The following ZBTB20 variants were observed in gnomAD, a reference collection of about 807,000 sequenced individuals.
ZBTB20 encodes the protein zinc finger and BTB domain containing 20, also known as zinc finger and BTB domain-containing protein 20.
Under a neutral mutation model 56.9 loss-of-function variants are expected in ZBTB20, and 9 were observed. That is an observed-to-expected ratio of 0.16 (90% CI 0.10 to 0.28). ZBTB20 has a LOEUF of 0.28. Among genes scored for constraint, ZBTB20 ranks in the 10% least tolerant of loss-of-function variants. ZBTB20 has a pLI of 1.00. For synonymous variants in ZBTB20, 417 were observed against 420.7 expected (o/e 0.99, Z 0.11); for missense variants, 655 against 1,003.0 (o/e 0.65, Z 4.69).
chr3:114,356,281 AG>A (rs762184073), intron 10 of ZBTB20: 22 of 152,304 alleles, frequency 1.4e-4, no homozygotes, highest in Admixed American at 2.6e-4. Context: ...CTTAAGCTGC[AG>A]GGGTCCAGGG....
At chr3:114,743,574 T>C (rs1399379904) in intron 5 of ZBTB20, 4 of 154,182 alleles carry the variant, frequency 2.6e-5, no homozygotes, top group African/African-American at 4.8e-5. Context: ...ACTTAAGCCA[T>C]ATCATCCTTA....
At chr3:114,364,649 A>G (rs1490941646) in intron 10 of ZBTB20, among the ~76,000 whole-genome samples, 1 of 152,220 alleles carries the variant, frequency 6.6e-6, no homozygotes, top group Non-Finnish European at 1.5e-5. Flanking sequence ...AGTTACGTCT[A>G]CAGCAATACA....
At position 114,485,439 on chromosome 3, in the gene ZBTB20, T is replaced by C. The variant is rs1314935859; in HGVS notation, c.-255+14913A>G. 1.1e-4 allele frequency among the ~76,000 whole-genome samples: 16 copies of C among 152,190 alleles called. 1 individual carries two copies. The highest frequency in any genetic ancestry group is 1.0e-3 in the Admixed American group (16 of 15,286). On this transcript the variant is annotated intron_variant, in intron 7 of 11. Coordinates refer to ENST00000675478, the MANE Select transcript of ZBTB20 (RefSeq NM_001348800.3). ...TCCAAATCTGCATCCATATTGGGGG[T>C]TACCCACAGAGAGCTGTTGTCTCCT...
chr3:114,500,571 T>C (rs958740950), intron 6 of ZBTB20, among the ~76,000 whole-genome samples, 180 bp from the exon 7 acceptor site: 2 of 152,136 alleles, frequency 1.3e-5, no homozygotes, highest in African/African-American at 4.8e-5. Flanking sequence ...GAGACCCAGC[T>C]TCATAAAAAC....
chr3:114,448,990 G>A (rs985724418), intron 7 of ZBTB20, among the ~76,000 whole-genome samples: 1 of 152,050 alleles, frequency 6.6e-6, no homozygotes, highest in Non-Finnish European at 1.5e-5. Context: ...ACACTGAAAG[G>A]TGATATGTTG....
chr3:114,864,744 C>T (rs966514157), intron 4 of ZBTB20, among the ~76,000 whole-genome samples: 1 of 151,900 alleles, frequency 6.6e-6, no homozygotes, highest in East Asian at 1.9e-4. Context: ...CTATGACTTC[C>T]GGAGTTAAAT....
chr3:114,844,372 T>TATATATATATATATATATATA (rs61231122), intron 4 of ZBTB20, among the ~76,000 whole-genome samples: 3 of 118,770 alleles, frequency 2.5e-5, no homozygotes, highest in African/African-American at 6.6e-5. Flanking sequence ...TATATATATA[T>TATATATATATATATATATATA]TAGCTGAGAG....
intron 7 of ZBTB20, among the ~76,000 whole-genome samples, chr3:114,493,394 C>T (rs1336192655): frequency 1.3e-5 from 2 of 152,132 alleles, no homozygotes; most frequent in Admixed American, 6.5e-5. Context: ...GGGATAAATG[C>T]CCCAAAGTTT....
intron 2 of ZBTB20, among the ~76,000 whole-genome samples, chr3:115,015,544 C>T (rs1249879478): frequency 6.6e-6 from 1 of 151,798 alleles, no homozygotes; most frequent in Non-Finnish European, 1.5e-5. Context: ...TGTTCAGCTC[C>T]CACTTATAAG....
At chr3:114,725,541 T>C (rs1424241058) in intron 5 of ZBTB20, among the ~76,000 whole-genome samples, 1 of 152,182 alleles carries the variant, frequency 6.6e-6, no homozygotes, top group Non-Finnish European at 1.5e-5. Flanking sequence ...TAATTGTGAG[T>C]TGAATATTTT....
chr3:114,760,180 C>T (rs1275830713), intron 5 of ZBTB20, among the ~76,000 whole-genome samples: 1 of 151,972 alleles, frequency 6.6e-6, no homozygotes, highest in Non-Finnish European at 1.5e-5. Context: ...GAATATATGC[C>T]TGTGTTTGAG....
At chr3:115,087,352 A>C (rs1423628102) in intron 1 of ZBTB20, among the ~76,000 whole-genome samples, 1 of 151,800 alleles carries the variant, frequency 6.6e-6, no homozygotes, top group South Asian at 2.1e-4. Context: ...TTATATCTTC[A>C]TTACTTACAT....
chr3:114,839,467 G>GAAAGAAAGAAAA (rs1420146858), intron 4 of ZBTB20, among the ~76,000 whole-genome samples: 1 of 150,240 alleles, frequency 6.7e-6, no homozygotes, highest in African/African-American at 2.4e-5. Context: ...AAGAAAGAAA[G>GAAAGAAAGAAAA]AGAGAGAGAA....
rs2071677770 is a variant in ZBTB20, at chr3:114,801,170, G to A, written c.-412C>T. 1 of 152,058 alleles carries A rather than the reference G, an allele frequency of 6.6e-6. No individual in the cohort carries two copies. The highest frequency in any genetic ancestry group is 2.4e-5 in the African/African-American group (1 of 41,352). The allele number at this position is 152,058 out of a possible 1,614,324, so 9.4% of individuals were successfully genotyped here. The stretch of plus-strand genomic sequence containing the variant: ...TTTCAGTCTCTAAATGTAACTTCAG[G>A]CAGTCTGAAAAGAAACAGGTTAAAA... On this transcript the variant is annotated 5_prime_UTR_variant, in exon 5 of 12. Coordinates refer to ENST00000675478, the MANE Select transcript of ZBTB20 (RefSeq NM_001348800.3).
At chr3:114,705,158 T>C (rs1044903261) in intron 5 of ZBTB20, among the ~76,000 whole-genome samples, 3 of 152,170 alleles carry the variant, frequency 2.0e-5, no homozygotes, top group Non-Finnish European at 4.4e-5. Context: ...CTATGATGCC[T>C]TCCCTAATAC....
At position 115,021,646 on chromosome 3, in the gene ZBTB20, A is replaced by G. The variant is rs558332898; in HGVS notation, c.-506-47230T>C. Among the ~76,000 whole-genome samples the G allele has an allele frequency of 1.9e-4, 28 of 150,906 alleles. No individual in the cohort carries two copies. The East Asian group carries it at 5.3e-3, about 28-fold the overall frequency. ...CATATTTGCATGTGTTATGCTATAT[A>G]AACTGAGTTCTGTAAAAAGGATCCT... On this transcript the variant is annotated intron_variant, in intron 2 of 11. Transcript: ENST00000675478.
At chr3:114,839,956 T>TA (rs1294624484) in intron 4 of ZBTB20, among the ~76,000 whole-genome samples, 2 of 152,196 alleles carry the variant, frequency 1.3e-5, no homozygotes, top group African/African-American at 4.8e-5. Context: ...TGGGAAAGAC[T>TA]AAATTTAAGC....
intron 6 of ZBTB20, among the ~76,000 whole-genome samples, chr3:114,612,596 A>G (rs556894393): frequency 6.6e-6 from 1 of 152,232 alleles, no homozygotes; most frequent in Non-Finnish European, 1.5e-5. Context: ...TCCAGTGACA[A>G]TAATGCTGCA....
chr3:114,606,867 G>A (rs1010342701), intron 6 of ZBTB20, among the ~76,000 whole-genome samples: 3 of 152,158 alleles, frequency 2.0e-5, no homozygotes, highest in Non-Finnish European at 2.9e-5. Flanking sequence ...AGGTTGAGGC[G>A]GGTGGATCAC....
Sources: allele counts gnomAD v4.1 joint callset (sites outside exome capture counted in the v4.1 genomes callset), GRCh38; gene constraint gnomAD v4.1.1; transcripts MANE v1.5; gene names NCBI Gene and HGNC (gene_info 2026-07-23, HGNC 2026-07-21).